Variants in CHD6 observed in about 807,000 individuals in gnomAD.
CHD6 encodes chromodomain helicase DNA binding protein 6.
A neutral mutation model predicts 276.9 loss-of-function variants in CHD6; 50 were observed. The ratio of observed to expected loss-of-function variants is 0.18; its 90% CI spans 0.14 to 0.23. CHD6 has a LOEUF of 0.23. Ranked by LOEUF, CHD6 falls within the 10% of genes least tolerant of loss-of-function variation. The pLI is 1.00. For missense variants in CHD6, 2,564 were observed against 3,365.8 expected (o/e 0.76, Z 5.89); for synonymous variants, 1,173 against 1,229.3 (o/e 0.95, Z 0.96).
At chr20:41,461,125 G>T (rs1422289452) in intron 17 of CHD6, among the ~76,000 whole-genome samples, 1 of 152,212 alleles carries the variant, frequency 6.6e-6, no homozygotes, top group Admixed American at 6.5e-5. Flanking sequence ...ATTTGGAATG[G>T]CTGTATTTAC....
At chr20:41,510,957 G>A (rs2044102521) in intron 5 of CHD6, among the ~76,000 whole-genome samples, 1 of 152,140 alleles carries the variant, frequency 6.6e-6, no homozygotes, top group Non-Finnish European at 1.5e-5. Flanking sequence ...ATATTCATTA[G>A]TTGGGTAATG....
chr20:41,517,349 G>A (rs921892486), intron 3 of CHD6, among the ~76,000 whole-genome samples: 5 of 152,080 alleles, frequency 3.3e-5, no homozygotes, highest in Non-Finnish European at 5.9e-5. Context: ...ATACCTGGGG[G>A]ATGAAATAAT....
chr20:41,576,689 G>C (rs1470886652), intron 1 of CHD6, among the ~76,000 whole-genome samples: 1 of 152,142 alleles, frequency 6.6e-6, no homozygotes, highest in Non-Finnish European at 1.5e-5. Context: ...AGCAAAAAAA[G>C]AAACTTCAAA....
intron 14 of CHD6, among the ~76,000 whole-genome samples, 187 bp downstream of exon 14, chr20:41,487,478 G>T (rs1353709155): frequency 6.6e-6 from 1 of 152,078 alleles, no homozygotes; most frequent in Non-Finnish European, 1.5e-5. Flanking sequence ...TATCCTCTGG[G>T]GCAATAAGAA....
intron 23 of CHD6, among the ~76,000 whole-genome samples, chr20:41,450,190 G>A (rs187013286): frequency 5.9e-5 from 9 of 152,276 alleles, no homozygotes; most frequent in African/African-American, 2.2e-4. Flanking sequence ...ATAGGGAGAC[G>A]GGAAAACCCA....
chr20:41,436,086 C>T (rs1175361174), intron 27 of CHD6, among the ~76,000 whole-genome samples: 1 of 152,054 alleles, frequency 6.6e-6, no homozygotes, highest in Non-Finnish European at 1.5e-5. Flanking sequence ...GAGACACTTA[C>T]AGGGTGGGAG....
intron 1 of CHD6, among the ~76,000 whole-genome samples, chr20:41,605,896 T>C (rs749576843): frequency 9.2e-5 from 14 of 152,236 alleles, no homozygotes; most frequent in Non-Finnish European, 1.6e-4. Context: ...CTGACTTTAA[T>C]GCAGGCAAAC....
intron 2 of CHD6, among the ~76,000 whole-genome samples, chr20:41,539,226 G>A (rs779475984): frequency 3.3e-5 from 5 of 152,204 alleles, no homozygotes; most frequent in Non-Finnish European, 5.9e-5. Context: ...CTGGCTCTGT[G>A]AGGTGTGCTG....
At chr20:41,409,289 G>A (rs2046774600) in intron 36 of CHD6, among the ~76,000 whole-genome samples, 1 of 152,144 alleles carries the variant, frequency 6.6e-6, no homozygotes, top group African/African-American at 2.4e-5. Flanking sequence ...GCGGGCTTTG[G>A]CAGCTCTCCC....
chr20:41,558,358 T>G (rs957259180), intron 1 of CHD6, among the ~76,000 whole-genome samples: 1 of 152,164 alleles, frequency 6.6e-6, no homozygotes. Flanking sequence ...CTCAGGAGAA[T>G]TAAAAGGGAT....
intron 8 of CHD6, among the ~76,000 whole-genome samples, chr20:41,494,359 C>T (rs539682339): frequency 8.5e-5 from 13 of 152,164 alleles, no homozygotes; most frequent in African/African-American, 1.2e-4. Context: ...TGACAATGTT[C>T]TATTTGCTGA....
chr20:41,473,687 A>G lies in CHD6; in HGVS notation c.2469-170T>C, dbSNP rs1392863094. 6.6e-6 allele frequency among the ~76,000 whole-genome samples: 1 copy of G among 152,160 alleles called. No individual in the cohort carries two copies. The highest frequency in any genetic ancestry group is 1.5e-5 in the Non-Finnish European group (1 of 68,020). On this transcript the variant is annotated intron_variant, in intron 16 of 36. Transcript: ENST00000373233. This position sits in a 1 kb window ranked among gnomAD's most constrained non-coding sequence, Gnocchi z 4.1. The stretch of plus-strand genomic sequence containing the variant: ...CTGCCCCCTACATATGCAGCAGGGC[A>G]GACACTTAAAACTGTATTGCAAAAT...
At chr20:41,545,396 C>A (rs2045021061) in intron 2 of CHD6, among the ~76,000 whole-genome samples, 1 of 152,056 alleles carries the variant, frequency 6.6e-6, no homozygotes. Flanking sequence ...GACTTCTTTT[C>A]CTTTTTGGAG....
chr20:41,433,442 G>GC (rs138940309), intron 27 of CHD6, among the ~76,000 whole-genome samples: 1 of 152,254 alleles, frequency 6.6e-6, no homozygotes, highest in East Asian at 1.9e-4. Flanking sequence ...GAGGCCAGAA[G>GC]CAAGCGGCAG....
intron 4 of CHD6, among the ~76,000 whole-genome samples, chr20:41,514,493 T>C (rs951345641): frequency 9.9e-5 from 15 of 152,216 alleles, no homozygotes; most frequent in Admixed American, 9.2e-4. Flanking sequence ...ATGCATTACC[T>C]GTATGGCAAA....
intron 1 of CHD6, chr20:41,614,626 AT>A (rs2045918660): frequency 6.6e-6 from 1 of 152,166 alleles, no homozygotes; most frequent in Non-Finnish European, 1.5e-5. Context: ...AAAAACAAAC[AT>A]TTTTCTTTGG....
chr20:41,405,620 A>G (rs1600777321), intron 36 of CHD6, 131 bp from the exon 37 acceptor site: 2 of 638,040 alleles, frequency 3.1e-6, no homozygotes, highest in Admixed American at 5.9e-5. Flanking sequence ...TACAAGGAGC[A>G]CCTCCCGCCT....
rs751102417 is a variant in CHD6 at position 41,420,940 on chromosome 20, T to A, written c.5695A>T (p.Asn1899Tyr). 6.2e-7 allele frequency: 1 copy of A among 1,614,098 alleles called. No homozygotes were observed. The highest frequency in any genetic ancestry group is 1.3e-5 in the African/African-American group (1 of 74,926). ...CCTTGGTTCTTTTCCCTTGAGATGT[T>A]AGTAGTGGGCTCCGTGAGATGCAAT... ...EVLHLTEPTT[N>Y]ISREKNQGFQ... Residue 1899 changes from asparagine (N) to tyrosine (Y), a missense_variant, in exon 31 of 37, where the codon AAC (asparagine) becomes TAC (tyrosine). Around this residue, in one of 7 missense-constraint regions of CHD6, gnomAD observed 1,024 missense variants for 1,047.9 expected, o/e 0.98. Transcript: ENST00000373233.
intron 3 of CHD6, among the ~76,000 whole-genome samples, chr20:41,530,946 C>T (rs1043885553): frequency 5.3e-5 from 8 of 152,226 alleles, no homozygotes; most frequent in African/African-American, 1.9e-4. Flanking sequence ...ATATTTCATA[C>T]AGCCTAATTA....
Sources: allele counts gnomAD v4.1 joint callset (sites outside exome capture counted in the v4.1 genomes callset), GRCh38; gene constraint gnomAD v4.1.1; regional missense constraint gnomAD v4.1.1; non-coding constraint Gnocchi (gnomAD v3.1); transcripts MANE v1.5; gene names NCBI Gene and HGNC (gene_info 2026-07-23, HGNC 2026-07-21).